Variants in DMD observed in about 807,000 individuals in gnomAD.
The protein encoded by DMD is mutant dystrophin.
A neutral mutation model predicts 330.1 loss-of-function variants in DMD; 63 were observed. The ratio of observed to expected loss-of-function variants is 0.19; its 90% CI spans 0.16 to 0.24. The LOEUF (loss-of-function observed/expected upper bound fraction) is 0.24. DMD is among the 10% of genes least tolerant of loss of function. The probability of loss-of-function intolerance (pLI) is 1.00; values close to 1 mark genes in which losing one functional copy is unlikely to be tolerated. For synonymous variants in DMD, 1,223 were observed against 959.8 expected, an observed-to-expected ratio of 1.27 and a Z score of -5.07; for missense variants, 3,344 against 2,684.1, an observed-to-expected ratio of 1.25 and a Z score of -5.43.
intron 43 of DMD, among the ~76,000 whole-genome samples, chrX:32,259,348 T>C (rs907250396): frequency 2.7e-5 from 3 of 111,475 alleles, no homozygotes; most frequent in Admixed American, 9.7e-5. Flanking sequence ...TATGTATTCA[T>C]GCTAACTTTT....
intron 43 of DMD, among the ~76,000 whole-genome samples, chrX:32,221,447 A>C (rs1352365853): frequency 8.9e-6 from 1 of 111,816 alleles, no homozygotes; most frequent in Non-Finnish European, 1.9e-5. Flanking sequence ...GTAAAAGATA[A>C]GTATACTACC....
In DMD at chrX:31,349,319, G is replaced by A. The variant is rs900937724; in HGVS notation, c.9085-685C>T. Among the ~76,000 whole-genome samples the A allele has an allele frequency of 5.4e-5, 6 of 112,065 alleles. No individual in the cohort carries two copies. The East Asian group carries it at 1.4e-3, about 26-fold the overall frequency. ...TAGTCAGGTGTGGTGGCGCATGCCT[G>A]TAGTCCCAGCTCCTAGGGAGGCTGA... On this transcript the variant is annotated intron_variant, in intron 60 of 78. Coordinates refer to ENST00000357033, the MANE Select transcript of DMD (RefSeq NM_004006.3).
chrX:31,188,986 G>T (rs1602515875), intron 67 of DMD, among the ~76,000 whole-genome samples: 1 of 111,292 alleles, frequency 9.0e-6, no homozygotes, highest in East Asian at 2.9e-4. Flanking sequence ...TTGGAGGTAG[G>T]AGAGTTGCTG....
intron 1 of DMD, among the ~76,000 whole-genome samples, chrX:33,102,473 T>C (rs1012509888): frequency 9.0e-6 from 1 of 111,308 alleles, no homozygotes; most frequent in Non-Finnish European, 1.9e-5. Flanking sequence ...AATTTTCTCA[T>C]CAGATAACCT....
chrX:32,552,827 A>G (rs1443405256), intron 16 of DMD, among the ~76,000 whole-genome samples: 1 of 112,240 alleles, frequency 8.9e-6, no homozygotes, highest in Non-Finnish European at 1.9e-5. Context: ...CTGAACATCA[A>G]TAATCATTAG....
At chrX:33,234,377 A>ATG (rs773081459) in intron 1 of DMD, among the ~76,000 whole-genome samples, 2 of 109,883 alleles carry the variant, frequency 1.8e-5, no homozygotes, top group Admixed American at 9.8e-5. Flanking sequence ...GTGTGCGTCT[A>ATG]TGTGTGTGTG....
chrX:32,510,470 A>T (rs1469137801), intron 18 of DMD, among the ~76,000 whole-genome samples: 1 of 111,673 alleles, frequency 9.0e-6, no homozygotes, highest in Non-Finnish European at 1.9e-5. Context: ...TTTACATATT[A>T]GTCTTGCTTC....
In DMD at chrX:32,730,028, C is replaced by G. The variant is rs1014381809; in HGVS notation, c.650-30735G>C. Among the ~76,000 whole-genome samples, 27 of 111,753 alleles carry G rather than the reference C, an allele frequency of 2.4e-4. No homozygotes were observed. In the Admixed American group the frequency reaches 2.6e-3, roughly 11 times the overall value. On this transcript the variant is annotated intron_variant, in intron 7 of 78. Transcript: ENST00000357033. ...CTTTGGGAAACTGCAGTGTTCAGAT[C>G]CCCACTGTTAAAATGTAACGTGGGC...
intron 60 of DMD, among the ~76,000 whole-genome samples, chrX:31,424,681 G>T (rs1035532081): frequency 8.9e-6 from 1 of 112,429 alleles, no homozygotes; most frequent in African/African-American, 3.2e-5. Context: ...CCTTAGCTTA[G>T]CTTCTCTTTC....
intron 1 of DMD, among the ~76,000 whole-genome samples, chrX:33,075,630 C>T (rs972565751): frequency 2.7e-5 from 3 of 112,034 alleles, no homozygotes; most frequent in South Asian, 3.7e-4. Flanking sequence ...GAATTAATAC[C>T]GTATTGGGAT....
Position 32,931,526 on chromosome X carries a change from C to A in DMD, c.94-81706G>T, listed in dbSNP as rs186524966. Among the ~76,000 whole-genome samples the A allele has an allele frequency of 8.3e-3, 927 of 111,389 alleles. 10 individuals are homozygous for A. Among genetic ancestry groups the A allele is most frequent in the African/African-American group, 0.029 (886 of 30,702 alleles). On this transcript the variant is annotated intron_variant, in intron 2 of 78. Transcript: ENST00000357033. The stretch of plus-strand genomic sequence containing the variant: ...TTCACATGTAGGCTGAGGTATAAAT[C>A]AACAGAATAAAAGTGTTTTTATGGC...
chrX:31,778,565 A>ATTTTTTTTTTTTTTTTT (rs36164865), intron 50 of DMD, among the ~76,000 whole-genome samples: 1 of 63,059 alleles, frequency 1.6e-5, no homozygotes, highest in African/African-American at 6.7e-5. Context: ...AAGTCCTGAA[A>ATTTTTTTTTTTTTTTTT]TTTTTTTTTT....
intron 74 of DMD, among the ~76,000 whole-genome samples, chrX:31,154,681 C>T (rs889456095): frequency 3.6e-5 from 4 of 111,558 alleles, no homozygotes; most frequent in African/African-American, 9.8e-5. Context: ...AAGGTATACA[C>T]GTACATCTCA....
At chrX:32,794,212 A>G (rs1029417651) in intron 7 of DMD, among the ~76,000 whole-genome samples, 1 of 112,128 alleles carries the variant, frequency 8.9e-6, no homozygotes, top group Non-Finnish European at 1.9e-5. Context: ...GCATACAAAA[A>G]AAATTAACAA....
chrX:31,177,797 ATG>A, intron 71 of DMD, 133 bp downstream of exon 71: 1 of 591,633 alleles, frequency 1.7e-6, no homozygotes, highest in Non-Finnish European at 2.7e-6. Flanking sequence ...AAAAACTGAA[ATG>A]AAGGAAGGGG....
intron 1 of DMD, among the ~76,000 whole-genome samples, chrX:33,154,494 A>G (rs1331285154): frequency 1.8e-5 from 2 of 111,801 alleles, no homozygotes; most frequent in African/African-American, 3.2e-5. Context: ...AAATTGGTTT[A>G]TAAATAATAA....
chrX:33,237,186 TC>T (rs1357051291), intron 1 of DMD, among the ~76,000 whole-genome samples: 1 of 47,023 alleles, frequency 2.1e-5, no homozygotes, highest in African/African-American at 8.4e-5. Context: ...CTCCCCTTCC[TC>T]CCTCCTTCCC....
At chrX:33,154,265 T>C (rs1321078521) in intron 1 of DMD, among the ~76,000 whole-genome samples, 2 of 110,383 alleles carry the variant, frequency 1.8e-5, no homozygotes, top group African/African-American at 6.6e-5. Flanking sequence ...GGCGTGGTGG[T>C]GGGCGCCTGT....
chrX:31,274,090 G>A (rs1048827566), intron 62 of DMD, among the ~76,000 whole-genome samples: 2 of 112,097 alleles, frequency 1.8e-5, no homozygotes, highest in East Asian at 5.6e-4. Flanking sequence ...AGATTGTCGT[G>A]TGAGGGAAAA....
Sources: allele counts gnomAD v4.1 joint callset (sites outside exome capture counted in the v4.1 genomes callset), GRCh38; gene constraint gnomAD v4.1.1; transcripts MANE v1.5; gene names NCBI Gene and HGNC (gene_info 2026-07-23, HGNC 2026-07-21).